ST8SIA1: variants seen among roughly 807,000 people sequenced by gnomAD.
ST8SIA1 encodes the protein ST8 alpha-N-acetyl-neuraminide alpha-2,8-sialyltransferase 1, also known as alpha-N-acetylneuraminide alpha-2,8-sialyltransferase.
ST8SIA1 carries 16 observed loss-of-function variants against 35.9 expected under a neutral mutation model. The ratio of observed to expected loss-of-function variants is 0.45; its 90% CI spans 0.30 to 0.68. The LOEUF is 0.68. Among genes scored for constraint, ST8SIA1 ranks in the 30% least tolerant of loss-of-function variants. The pLI, the probability that ST8SIA1 is intolerant of heterozygous loss-of-function variation, is 0.09. For synonymous variants in ST8SIA1, 170 were observed against 169.6 expected (o/e 1.00, Z -0.02); for missense variants, 383 against 453.6 (o/e 0.84, Z 1.41).
At chr12:22,250,217 G>A (rs576596298) in intron 3 of ST8SIA1, among the ~76,000 whole-genome samples, 20 of 152,314 alleles carry the variant, frequency 1.3e-4, no homozygotes, top group African/African-American at 3.6e-4. Flanking sequence ...CTTTCTGCCT[G>A]TGGAACATTA....
At chr12:22,331,078 T>C (rs1866757291) in intron 1 of ST8SIA1, among the ~76,000 whole-genome samples, 1 of 152,222 alleles carries the variant, frequency 6.6e-6, no homozygotes, top group Admixed American at 6.5e-5. Context: ...AAGGTTCTTC[T>C]CTGAGAATTC....
chr12:22,246,334 T>C lies in ST8SIA1; in HGVS notation c.584+2672A>G, dbSNP rs541245591. ...AACACACTTGGTGGCAGAAGTTTTC[T>C]ATGTTGATTATTCTGGGAAAACTAT... is the stretch of plus-strand genomic sequence containing the variant. On this transcript the variant is annotated intron_variant, in intron 4 of 4. Coordinates refer to ENST00000396037, the MANE Select transcript of ST8SIA1 (RefSeq NM_003034.4). 2.0e-5 allele frequency among the ~76,000 whole-genome samples: 3 copies of C among 152,366 alleles called. No individual in the cohort carries two copies. In the East Asian group the frequency reaches 5.8e-4, roughly 29 times the overall value.
At chr12:22,253,040 T>A (rs1437807833) in intron 3 of ST8SIA1, among the ~76,000 whole-genome samples, 1 of 152,144 alleles carries the variant, frequency 6.6e-6, no homozygotes, top group Admixed American at 6.5e-5. Flanking sequence ...AAATTTAAAC[T>A]AAACTACATA....
intron 1 of ST8SIA1, chr12:22,325,688 A>AT: frequency 1.7e-6 from 1 of 604,248 alleles, no homozygotes; most frequent in Non-Finnish European, 2.9e-6. Context: ...GTTTTTTCCT[A>AT]TTTTTTCCTA....
At position 22,334,474 on chromosome 12, in the gene ST8SIA1, A is replaced by C; in HGVS notation, c.-242T>G. 1.8e-6 allele frequency: 1 copy of C among 565,892 alleles called. No homozygotes were observed. Among genetic ancestry groups the C allele is most frequent in the Non-Finnish European group, 3.2e-6 (1 of 316,808 alleles). The allele number at this position is 565,892 out of a possible 1,614,324, so 35.1% of individuals were successfully genotyped here. A position where few individuals can be genotyped will look rare whatever the true frequency, so the allele number is the denominator to read the frequency against. ...GTGGCTGGGGGTGAAGTCACGATCT[A>C]TGGCCATGGTCGCTTCCCCTGCAGA... On this transcript the variant is annotated 5_prime_UTR_variant, in exon 1 of 5. An upstream open reading frame in the 5' UTR loses its in-frame stop. Coordinates refer to ENST00000396037, the MANE Select transcript of ST8SIA1 (RefSeq NM_003034.4).
intron 1 of ST8SIA1, among the ~76,000 whole-genome samples, chr12:22,297,591 G>C (rs1371708701): frequency 6.6e-6 from 1 of 151,994 alleles, no homozygotes; most frequent in East Asian, 1.9e-4. Flanking sequence ...TGTGCCACCT[G>C]CTTGTCTAAA....
Position 22,198,787 on chromosome 12 carries a change from A to G in ST8SIA1, c.*2765T>C, listed in dbSNP as rs946640642. The G allele has an allele frequency of 1.3e-5, 2 of 152,192 alleles. No homozygotes were observed. The highest frequency in any genetic ancestry group is 2.9e-5 in the Non-Finnish European group (2 of 68,038). 9.4% of individuals were successfully genotyped at this position (152,192 alleles called of 1,614,324 possible). On this transcript the variant is annotated 3_prime_UTR_variant, in exon 5 of 5. Coordinates refer to ENST00000396037, the MANE Select transcript of ST8SIA1 (RefSeq NM_003034.4). Reference sequence around the variant, plus strand: ...TGAGATGTCAACCTTGATACTACTGACATCTCAGCCTGGATAATTATTTTG... The same window carrying G: ...TGAGATGTCAACCTTGATACTACTGGCATCTCAGCCTGGATAATTATTTTG...
intron 4 of ST8SIA1, among the ~76,000 whole-genome samples, chr12:22,202,734 A>T (rs1190004299): frequency 3.9e-5 from 6 of 152,228 alleles, no homozygotes; most frequent in African/African-American, 1.2e-4. Context: ...AGTACTATGG[A>T]ATACAGATGA....
intron 2 of ST8SIA1, among the ~76,000 whole-genome samples, chr12:22,277,513 C>G (rs754854919): frequency 9.2e-5 from 14 of 151,714 alleles, no homozygotes; most frequent in Non-Finnish European, 1.8e-4. Flanking sequence ...ATTACAGGTG[C>G]CTGCCACTAC....
rs144481267 is a variant in ST8SIA1 at position 22,287,250 on chromosome 12, T to C, written c.280A>G (p.Met94Val). The C allele has an allele frequency of 1.0e-3, 1,658 of 1,614,108 alleles. 2 individuals are homozygous for C. The highest frequency in any genetic ancestry group is 1.3e-3 in the Non-Finnish European group (1,524 of 1,179,984). Residue 94 changes from methionine to valine, a missense_variant, in exon 2 of 5, where the codon ATG (methionine) becomes GTG (valine). Coordinates refer to ENST00000396037, the MANE Select transcript of ST8SIA1 (RefSeq NM_003034.4). ...DCCDPAHLFA[M>V]TKMNSPMGKS... ...CCCATAGGGGAATTCATTTTAGTCA[T>C]AGCAAAGAGATGGGCAGGGTCGCAG...
At chr12:22,251,841 T>G (rs1201480725) in intron 3 of ST8SIA1, among the ~76,000 whole-genome samples, 1 of 152,182 alleles carries the variant, frequency 6.6e-6, no homozygotes, top group East Asian at 1.9e-4. Context: ...GGAAATGGGC[T>G]TGAGAGAAAG....
intron 4 of ST8SIA1, among the ~76,000 whole-genome samples, chr12:22,246,598 T>C (rs1865606095): frequency 6.6e-6 from 1 of 152,062 alleles, no homozygotes; most frequent in South Asian, 2.1e-4. Flanking sequence ...CCAACCCTGG[T>C]TCTTTGTCAC....
chr12:22,261,723 T>C (rs1342280283), intron 2 of ST8SIA1, among the ~76,000 whole-genome samples: 1 of 152,176 alleles, frequency 6.6e-6, no homozygotes, highest in Non-Finnish European at 1.5e-5. Flanking sequence ...TCACTCTAAA[T>C]ATGAACCGGT....
chr12:22,269,163 T>C (rs186486663), intron 2 of ST8SIA1, among the ~76,000 whole-genome samples: 11 of 152,112 alleles, frequency 7.2e-5, no homozygotes, highest in Admixed American at 5.9e-4. Context: ...AAAGACACAG[T>C]AGGAAAATAC....
intron 4 of ST8SIA1, 58 bp from the exon 5 acceptor site, chr12:22,202,096 A>C: frequency 1.3e-6 from 2 of 1,483,250 alleles, no homozygotes; most frequent in Non-Finnish European, 1.8e-6. Context: ...ACTCACCAAA[A>C]CCCACTCTGT....
chr12:22,245,301 T>C (rs1190505701), intron 4 of ST8SIA1, among the ~76,000 whole-genome samples: 1 of 152,220 alleles, frequency 6.6e-6, no homozygotes, highest in Non-Finnish European at 1.5e-5. Flanking sequence ...GTCTAAAGTG[T>C]CTCTCAATAA....
chr12:22,215,152 C>T (rs1431571906), intron 4 of ST8SIA1, among the ~76,000 whole-genome samples: 1 of 152,132 alleles, frequency 6.6e-6, no homozygotes, highest in African/African-American at 2.4e-5. Flanking sequence ...CAAGTCTCCC[C>T]CAACTGAAAA....
chr12:22,320,953 GAAAGAGAA>G lies in ST8SIA1; in HGVS notation c.236+13036_236+13043del, dbSNP rs201924220. On this transcript the variant is annotated intron_variant, in intron 1 of 4. Coordinates refer to ENST00000396037, the MANE Select transcript of ST8SIA1 (RefSeq NM_003034.4). ...AGAAAGAAAGAAAGAAAGAAAGAAA[GAAAGAGAA>G]AGAAAGAAAGAAAGAAAGAAAGAAA... 8.4e-3 allele frequency among the ~76,000 whole-genome samples: 679 copies of G among 80,476 alleles called. 3 individuals are homozygous for G. The highest frequency in any genetic ancestry group is 0.011 in the Admixed American group (94 of 8,322). 52.8% of individuals were successfully genotyped at this position (80,476 alleles called of 152,430 possible). A position where few individuals can be genotyped will look rare whatever the true frequency, so the allele number is the denominator to read the frequency against.
At chr12:22,217,441 T>G (rs1050301002) in intron 4 of ST8SIA1, among the ~76,000 whole-genome samples, 6 of 152,190 alleles carry the variant, frequency 3.9e-5, no homozygotes, top group African/African-American at 1.2e-4. Flanking sequence ...GAAAACCCAT[T>G]GATTTTCATG....
Sources: gnomAD v4.1 joint callset for allele counts (sites outside exome capture counted in the v4.1 genomes callset) on GRCh38, gnomAD v4.1.1 for gene constraint, MANE v1.5 for transcripts, NCBI Gene and HGNC (gene_info 2026-07-23, HGNC 2026-07-21) for gene names.